DENND5B: variants seen among roughly 807,000 people sequenced by gnomAD.
DENND5B encodes the protein DENN domain-containing protein 5B.
DENND5B carries 34 observed loss-of-function variants against 140.6 expected under a neutral mutation model. That is an observed-to-expected ratio of 0.24 (90% CI 0.18 to 0.32). The LOEUF (loss-of-function observed/expected upper bound fraction) is 0.32, where lower values mean the gene tolerates loss of function less well. Ranked by LOEUF, DENND5B falls within the 10% of genes least tolerant of loss-of-function variation. DENND5B has a pLI of 1.00. For missense variants in DENND5B, 1,142 were observed against 1,560.2 expected (o/e 0.73, Z 4.52); for synonymous variants, 551 against 562.1 (o/e 0.98, Z 0.28).
chr12:31,490,033 T>C (rs757760668), intron 2 of DENND5B, among the ~76,000 whole-genome samples: 1 of 152,180 alleles, frequency 6.6e-6, no homozygotes, highest in African/African-American at 2.4e-5. Flanking sequence ...CAGAGAGAAG[T>C]AGACAGATAA....
intron 2 of DENND5B, among the ~76,000 whole-genome samples, chr12:31,494,791 A>G (rs1474161962): frequency 6.6e-6 from 1 of 152,214 alleles, no homozygotes; most frequent in Non-Finnish European, 1.5e-5. Flanking sequence ...TCATTTACAT[A>G]GAGTGTACAC....
chr12:31,521,016 G>T (rs1188381410), intron 1 of DENND5B, among the ~76,000 whole-genome samples: 1 of 151,668 alleles, frequency 6.6e-6, no homozygotes, highest in Admixed American at 6.6e-5. Flanking sequence ...ATTTCATTTT[G>T]AACTAGTCAA....
At chr12:31,476,247 C>T (rs1183515741) in intron 3 of DENND5B, among the ~76,000 whole-genome samples, 1 of 150,718 alleles carries the variant, frequency 6.6e-6, no homozygotes, top group African/African-American at 2.4e-5. Context: ...ATTAGGTTCT[C>T]AACTCTGGAA....
chr12:31,547,907 T>C (rs1271839422), intron 1 of DENND5B, among the ~76,000 whole-genome samples: 1 of 152,080 alleles, frequency 6.6e-6, no homozygotes, highest in African/African-American at 2.4e-5. Context: ...GGTTTCACCA[T>C]GTTGGCCAGG....
At chr12:31,469,276 T>C (rs1316144289) in intron 3 of DENND5B, among the ~76,000 whole-genome samples, 1 of 144,990 alleles carries the variant, frequency 6.9e-6, no homozygotes, top group Admixed American at 7.3e-5. Context: ...AAGGTTGCAG[T>C]GAGCCAAGAT....
At chr12:31,563,493 A>G (rs1949540888) in intron 1 of DENND5B, among the ~76,000 whole-genome samples, 1 of 152,222 alleles carries the variant, frequency 6.6e-6, no homozygotes, top group Non-Finnish European at 1.5e-5. Flanking sequence ...GTAAAGACAA[A>G]GCAGCAAAGT....
intron 3 of DENND5B, among the ~76,000 whole-genome samples, chr12:31,470,826 A>C (rs1945523784): frequency 6.6e-6 from 1 of 152,174 alleles, no homozygotes; most frequent in South Asian, 2.1e-4. Flanking sequence ...GGCTCATGGA[A>C]ACCTGTGGTT....
At chr12:31,491,282 G>A (rs1238966210) in intron 2 of DENND5B, among the ~76,000 whole-genome samples, 1 of 152,020 alleles carries the variant, frequency 6.6e-6, no homozygotes, top group South Asian at 2.1e-4. Flanking sequence ...GGGAGACCCC[G>A]TCTCTACCAT....
intron 1 of DENND5B, among the ~76,000 whole-genome samples, chr12:31,574,828 A>G (rs1355764640): frequency 1.3e-5 from 2 of 152,218 alleles, no homozygotes; most frequent in Non-Finnish European, 2.9e-5. Context: ...TAGTACACAC[A>G]GCTTTCACAT....
chr12:31,585,141 A>G (rs1052683341), intron 1 of DENND5B, among the ~76,000 whole-genome samples: 2 of 152,152 alleles, frequency 1.3e-5, no homozygotes, highest in Non-Finnish European at 2.9e-5. Context: ...ATCTCCCAAT[A>G]AGCCCCACCT....
chr12:31,482,690 C>A lies in DENND5B; in HGVS notation c.238-2435G>T, dbSNP rs570243802. On this transcript the variant is annotated intron_variant, in intron 2 of 20. Coordinates refer to ENST00000389082, the MANE Select transcript of DENND5B (RefSeq NM_144973.4). The stretch of plus-strand genomic sequence containing the variant: ...AACTCCTGGGTAAAAGCAATCCTCC[C>A]GCCTCAGCCTCCTGAGTCAGAAAGT... Among the ~76,000 whole-genome samples the A allele has an allele frequency of 1.4e-4, 22 of 152,080 alleles. 1 individual carries two copies. In the Middle Eastern group the frequency reaches 0.01, roughly 71 times the overall value.
At chr12:31,507,711 A>C (rs1222033917) in intron 1 of DENND5B, among the ~76,000 whole-genome samples, 1 of 152,160 alleles carries the variant, frequency 6.6e-6, no homozygotes, top group Non-Finnish European at 1.5e-5. Flanking sequence ...TAGATTAATA[A>C]ATGTCATGCG....
chr12:31,497,654 G>GA (rs1304616251), intron 1 of DENND5B, among the ~76,000 whole-genome samples: 7 of 148,698 alleles, frequency 4.7e-5, no homozygotes, highest in Admixed American at 4.1e-4. Context: ...TACTTGGCCA[G>GA]AATGTGGTGG....
intron 1 of DENND5B, among the ~76,000 whole-genome samples, chr12:31,570,289 T>C (rs1188798098): frequency 1.3e-5 from 2 of 151,514 alleles, no homozygotes; most frequent in Admixed American, 6.6e-5. Context: ...TTTTTTTTTT[T>C]TTTAAGAGAC....
At chr12:31,454,975 C>T (rs987251141) in intron 4 of DENND5B, among the ~76,000 whole-genome samples, 13 of 151,924 alleles carry the variant, frequency 8.6e-5, no homozygotes, top group South Asian at 6.3e-4. Flanking sequence ...CCTGCCACCA[C>T]GCCCGGCTAA....
rs377050766 is a variant in DENND5B, at chr12:31,452,345, C to T, written c.1224G>A (p.Glu408=). The part of the protein sequence containing the change: ...EVLVQFGIPP[E]GSLHCSESTS... The stretch of plus-strand genomic sequence containing the variant: ...TACTCTCACTGCAATGTAGGCTGCC[C>T]TCAGGAGGGATCCCAAATTGAACAA... Residue 408 remains glutamate (E), a synonymous_variant, in exon 5 of 21, where the codon GAG becomes GAA. Transcript: ENST00000389082. 1 of 1,613,924 alleles carries T rather than the reference C, an allele frequency of 6.2e-7. No homozygotes were observed. Among genetic ancestry groups the T allele is most frequent in the East Asian group, 2.2e-5 (1 of 44,890 alleles).
chr12:31,479,532 G>C, intron 3 of DENND5B, 57 bp downstream of exon 3: 1 of 1,403,176 alleles, frequency 7.1e-7, no homozygotes, highest in Admixed American at 3.0e-5. Flanking sequence ...TGGAAACACA[G>C]TAGTTGGGAG....
chr12:31,535,573 G>A (rs932512824), intron 1 of DENND5B, among the ~76,000 whole-genome samples: 1 of 152,110 alleles, frequency 6.6e-6, no homozygotes, highest in Non-Finnish European at 1.5e-5. Flanking sequence ...CTACAAATCC[G>A]CAAGAACCAC....
chr12:31,460,519 G>A, intron 3 of DENND5B, 138 bp from the exon 4 acceptor site: 1 of 761,400 alleles, frequency 1.3e-6, no homozygotes, highest in Non-Finnish European at 2.1e-6. Context: ...ACAGAAAATA[G>A]GTCAGTTCTA....
Sources: allele counts gnomAD v4.1 joint callset (sites outside exome capture counted in the v4.1 genomes callset), GRCh38; gene constraint gnomAD v4.1.1; transcripts MANE v1.5; gene names NCBI Gene and HGNC (gene_info 2026-07-23, HGNC 2026-07-21).